The following AHCTF1 variants were observed in gnomAD, a reference collection of about 807,000 sequenced individuals.
The protein encoded by AHCTF1 is AT-hook containing transcription factor 1.
In AHCTF1, 24 loss-of-function variants were observed where a neutral mutation model predicts 248.4. The ratio of observed to expected loss-of-function variants is 0.10; its 90% CI spans 0.07 to 0.14. The LOEUF is 0.14. Among genes scored for constraint, AHCTF1 ranks in the 10% least tolerant of loss-of-function variants. The pLI is 1.00. For synonymous variants in AHCTF1, 786 were observed against 929.8 expected, an observed-to-expected ratio of 0.85 and a Z score of 2.81; for missense variants, 2,206 against 2,636.2, an observed-to-expected ratio of 0.84 and a Z score of 3.57.
At chr1:246,868,410 T>G (rs893122379) in intron 24 of AHCTF1, among the ~76,000 whole-genome samples, 2 of 143,466 alleles carry the variant, frequency 1.4e-5, no homozygotes, top group African/African-American at 3.0e-5. Context: ...CGTGAGCCAC[T>G]GCGCCTGGCA....
At chr1:246,921,139 G>A (rs1273222246) in intron 1 of AHCTF1, among the ~76,000 whole-genome samples, 3 of 151,792 alleles carry the variant, frequency 2.0e-5, no homozygotes, top group African/African-American at 4.8e-5. Flanking sequence ...GAAAATACAC[G>A]CAAAATGACA....
At chr1:246,899,708 C>A (rs1664859443) in intron 10 of AHCTF1, among the ~76,000 whole-genome samples, 196 bp from the exon 11 acceptor site, 1 of 151,354 alleles carries the variant, frequency 6.6e-6, no homozygotes, top group Admixed American at 6.6e-5. Flanking sequence ...AAGAAAAAAG[C>A]AAAAAACAAA....
Position 246,916,031 on chromosome 1 carries a change from C to T in AHCTF1, c.375+111G>A, listed in dbSNP as rs1666119410. 4 of 1,266,296 alleles carry T rather than the reference C, an allele frequency of 3.2e-6. No individual in the cohort carries two copies. In the East Asian group the frequency reaches 9.6e-5, roughly 30 times the overall value. The allele number at this position is 1,266,296 out of a possible 1,614,324, so 78.4% of individuals were successfully genotyped here. ...AGTAACACATTTACATAAAAGTATA[C>T]AAATTGTAAATGTTGCGGGTCAGTG... is the stretch of plus-strand genomic sequence containing the variant. On this transcript the variant is annotated intron_variant, in intron 3 of 35. Transcript: ENST00000648844.
At chr1:246,868,655 T>C (rs1042481861) in intron 24 of AHCTF1, among the ~76,000 whole-genome samples, 1 of 151,718 alleles carries the variant, frequency 6.6e-6, no homozygotes, top group Non-Finnish European at 1.5e-5. Flanking sequence ...TTTCTAGAAG[T>C]TGGACATGTG....
At chr1:246,904,107 A>G in intron 6 of AHCTF1, 74 bp from the exon 7 acceptor site, 1 of 1,337,176 alleles carries the variant, frequency 7.5e-7, no homozygotes, top group Non-Finnish European at 1.1e-6. Flanking sequence ...AAGTAAGTTT[A>G]GTTTGCTTGC....
intron 24 of AHCTF1, among the ~76,000 whole-genome samples, chr1:246,868,196 T>C (rs937737342): frequency 5.3e-5 from 8 of 151,398 alleles, no homozygotes; most frequent in African/African-American, 1.9e-4. Context: ...TGGCACAATC[T>C]TGGCTCACTG....
intron 34 of AHCTF1, 91 bp from the exon 35 acceptor site, chr1:246,842,867 A>ACTT: frequency 9.3e-7 from 1 of 1,072,838 alleles, no homozygotes; most frequent in Non-Finnish European, 1.4e-6. Flanking sequence ...AGAGCCAAAC[A>ACTT]CTGATGAATT....
chr1:246,898,751 C>T (rs1266889511), intron 11 of AHCTF1, among the ~76,000 whole-genome samples: 3 of 152,030 alleles, frequency 2.0e-5, no homozygotes, highest in South Asian at 2.1e-4. Context: ...CACATCTGGA[C>T]GATTATCAAT....
intron 29 of AHCTF1, among the ~76,000 whole-genome samples, chr1:246,858,862 A>G (rs895470994): frequency 6.6e-6 from 1 of 152,162 alleles, no homozygotes; most frequent in Non-Finnish European, 1.5e-5. Flanking sequence ...AAGAATAATC[A>G]GTGAAGATAA....
intron 21 of AHCTF1, among the ~76,000 whole-genome samples, chr1:246,882,272 C>T (rs1663500113): frequency 1.3e-5 from 2 of 152,170 alleles, no homozygotes; most frequent in Non-Finnish European, 2.9e-5. Context: ...GCTGGGATTA[C>T]AGGCATGAGC....
chr1:246,858,425 T>C (rs1188560804), intron 29 of AHCTF1, among the ~76,000 whole-genome samples: 3 of 152,242 alleles, frequency 2.0e-5, no homozygotes, highest in Non-Finnish European at 4.4e-5. Context: ...CCTAAGGTTA[T>C]ACTGCGTATC....
At chr1:246,866,491 T>C (rs972430172) in intron 26 of AHCTF1, among the ~76,000 whole-genome samples, 3 of 81,958 alleles carry the variant, frequency 3.7e-5, no homozygotes, top group East Asian at 3.1e-4. Flanking sequence ...GTTTAACATA[T>C]GTCCATTAAA....
Position 246,843,854 on chromosome 1 carries a change from G to C in AHCTF1, c.6466C>G (p.Pro2156Ala). Reference protein sequence around the residue: ...DLSSQFVISPPALRSRQKNTS... With the variant: ...DLSSQFVISPAALRSRQKNTS... Reference sequence around the variant, plus strand: ...TTTTTTTGTCTGCTCCTTAAAGCAGGAGGTGAGATGACAAACTGAGAAGAT... The same window carrying C: ...TTTTTTTGTCTGCTCCTTAAAGCAGCAGGTGAGATGACAAACTGAGAAGAT... Residue 2156 changes from proline to alanine, a missense_variant, in exon 34 of 36, where the codon CCT (proline) becomes GCT (alanine). Pro to Ala is a conservative substitution (Grantham distance 27). This residue lies in a region of AHCTF1 where 469 missense variants were observed against 470.0 expected (regional missense o/e 1.00). Transcript: ENST00000648844. 1 of 1,510,876 alleles carries C rather than the reference G, an allele frequency of 6.6e-7. No individual in the cohort carries two copies. The highest frequency in any genetic ancestry group is 8.8e-7 in the Non-Finnish European group (1 of 1,130,094). 93.6% of individuals were successfully genotyped at this position (1,510,876 alleles called of 1,614,324 possible). A position where few individuals can be genotyped will look rare whatever the true frequency, so the allele number is the denominator to read the frequency against.
chr1:246,851,026 C>T lies in AHCTF1; in HGVS notation c.4980G>A (p.Val1660=). The part of the protein sequence containing the change: ...KSQKVDTLPY[V]PEPIKVAIAE... ...CAATTGCTACTTTAATAGGTTCAGG[C>T]ACATATGGTAAAGTGTCTACTTTTT... The change falls in exon 33 of 36, where the codon GTG becomes GTA. Residue 1660 remains valine, a synonymous_variant. Coordinates refer to ENST00000648844, the MANE Select transcript of AHCTF1 (RefSeq NM_001323342.2). 6.2e-7 allele frequency: 1 copy of T among 1,613,904 alleles called. No individual in the cohort carries two copies. Among genetic ancestry groups the T allele is most frequent in the Non-Finnish European group, 8.5e-7 (1 of 1,179,862 alleles).
At position 246,855,831 on chromosome 1, in the gene AHCTF1, T is replaced by C. The variant is rs776085266; in HGVS notation, c.4257-4A>G. 2 of 1,610,656 alleles carry C rather than the reference T, an allele frequency of 1.2e-6. No individual in the cohort carries two copies. The highest frequency in any genetic ancestry group is 1.7e-6 in the Non-Finnish European group (2 of 1,177,754). On this transcript the variant is annotated splice_region_variant and splice_polypyrimidine_tract_variant and intron_variant, in intron 30 of 35. Coordinates refer to ENST00000648844, the MANE Select transcript of AHCTF1 (RefSeq NM_001323342.2). Reference sequence around the variant, plus strand: ...GGACTTCTGGGTGAAGATTTTCCTTTAGAAAAAGAAATACATACCTTAGTG... The same window carrying C: ...GGACTTCTGGGTGAAGATTTTCCTTCAGAAAAAGAAATACATACCTTAGTG...
In AHCTF1 at chr1:246,895,878, G is replaced by T; in HGVS notation, c.1671C>A (p.Ser557=). ...AILSAAIQTS[S]LGLLTGYIRR... is the part of the protein sequence containing the mutation. ...GGATATAACCAGTCAAAAGTCCCAGGGAACTAGTCTGAATTGCTGCTGACA... is the reference window on the plus strand; with the variant it reads ...GGATATAACCAGTCAAAAGTCCCAGTGAACTAGTCTGAATTGCTGCTGACA... The change falls in exon 13 of 36, where the codon TCC becomes TCA. Residue 557 remains serine (S), a synonymous_variant. Transcript: ENST00000648844. The T allele has an allele frequency of 6.2e-7, 1 of 1,612,988 alleles. No homozygotes were observed. The highest frequency in any genetic ancestry group is 1.1e-5 in the South Asian group (1 of 90,910).
intron 15 of AHCTF1, 139 bp from the exon 16 acceptor site, chr1:246,891,199 A>C: frequency 1.9e-6 from 1 of 523,114 alleles, no homozygotes; most frequent in Non-Finnish European, 3.3e-6. Flanking sequence ...AGATATATGT[A>C]TCTCTCTTGA....
At chr1:246,869,434 A>T (rs973842924) in intron 24 of AHCTF1, among the ~76,000 whole-genome samples, 5 of 152,202 alleles carry the variant, frequency 3.3e-5, no homozygotes, top group African/African-American at 1.2e-4. Context: ...AAATGCAAAA[A>T]AGAACCTGAA....
In AHCTF1 at chr1:246,867,091, A is replaced by G. The variant is rs1662033942; in HGVS notation, c.3347+153T>C. ...ACTACTACCTGATGTAAAATTTCCT[A>G]AAATTACTGCTGCCCAAAGTATAAT... On this transcript the variant is annotated intron_variant, in intron 26 of 35. Coordinates refer to ENST00000648844, the MANE Select transcript of AHCTF1 (RefSeq NM_001323342.2). Among the ~76,000 whole-genome samples, 3 of 152,232 alleles carry G rather than the reference A, an allele frequency of 2.0e-5. No homozygotes were observed. The South Asian group carries it at 6.2e-4, about 31-fold the overall frequency.
Sources: allele counts gnomAD v4.1 joint callset (sites outside exome capture counted in the v4.1 genomes callset), GRCh38; gene constraint gnomAD v4.1.1; regional missense constraint gnomAD v4.1.1; transcripts MANE v1.5; gene names NCBI Gene and HGNC (gene_info 2026-07-23, HGNC 2026-07-21).